The following KCNH7 variants were observed in gnomAD, a reference collection of about 807,000 sequenced individuals.
KCNH7 encodes the protein voltage-gated inwardly rectifying potassium channel KCNH7.
Under a neutral mutation model 120.8 loss-of-function variants are expected in KCNH7, and 49 were observed. The observed-to-expected ratio is 0.41, with a 90% CI of 0.32 to 0.51. The LOEUF is 0.51. Ranked by LOEUF, KCNH7 falls within the 20% of genes least tolerant of loss-of-function variation. The pLI, the probability that KCNH7 is intolerant of heterozygous loss-of-function variation, is 0.38. For synonymous variants in KCNH7, 547 were observed against 516.1 expected (o/e 1.06, Z -0.81); for missense variants, 1,097 against 1,446.6 (o/e 0.76, Z 3.92).
chr2:162,568,488 A>T (rs905096736), intron 2 of KCNH7, among the ~76,000 whole-genome samples: 1 of 152,048 alleles, frequency 6.6e-6, no homozygotes, highest in Non-Finnish European at 1.5e-5. Context: ...CTCATAATTA[A>T]GCAATGTGTG....
intron 2 of KCNH7, among the ~76,000 whole-genome samples, chr2:162,617,989 C>G (rs564419558): frequency 1.3e-5 from 2 of 151,566 alleles, no homozygotes; most frequent in East Asian, 3.9e-4. Context: ...ATTTAGGGAG[C>G]TTTTTAACAT....
chr2:162,388,484 T>G (rs951017985), intron 12 of KCNH7, among the ~76,000 whole-genome samples: 1 of 151,832 alleles, frequency 6.6e-6, no homozygotes, highest in Admixed American at 6.6e-5. Flanking sequence ...ACCATAAATA[T>G]GTACAACTTT....
intron 2 of KCNH7, among the ~76,000 whole-genome samples, chr2:162,638,726 A>C (rs534079411): frequency 2.0e-5 from 3 of 152,094 alleles, no homozygotes; most frequent in Non-Finnish European, 2.9e-5. Flanking sequence ...TGGTGACCCA[A>C]CTCAGATCAT....
chr2:162,802,252 C>T (rs1015099939), intron 2 of KCNH7, among the ~76,000 whole-genome samples: 1 of 151,704 alleles, frequency 6.6e-6, no homozygotes, highest in African/African-American at 2.4e-5. Flanking sequence ...CAAATATGAT[C>T]AAAGTTTCCA....
chr2:162,546,249 A>C (rs559133291), intron 2 of KCNH7, among the ~76,000 whole-genome samples: 43 of 152,308 alleles, frequency 2.8e-4, no homozygotes, highest in South Asian at 1.0e-3. Flanking sequence ...CTCAATCTCC[A>C]GGCAAACCAA....
chr2:162,657,965 A>T (rs1684827232), intron 2 of KCNH7, among the ~76,000 whole-genome samples: 1 of 151,940 alleles, frequency 6.6e-6, no homozygotes, highest in Non-Finnish European at 1.5e-5. Context: ...CATAACCCCC[A>T]ATGTTATGGC....
At chr2:162,511,825 G>A (rs547829989) in intron 5 of KCNH7, among the ~76,000 whole-genome samples, 9 of 151,688 alleles carry the variant, frequency 5.9e-5, no homozygotes, top group Non-Finnish European at 1.3e-4. Flanking sequence ...TGGTGGAGAC[G>A]TGTTCATGCA....
chr2:162,403,086 C>G (rs892201776), intron 9 of KCNH7, among the ~76,000 whole-genome samples: 1 of 151,854 alleles, frequency 6.6e-6, no homozygotes, highest in Non-Finnish European at 1.5e-5. Context: ...TAAGAATGTG[C>G]GTAAACCCTT....
intron 2 of KCNH7, among the ~76,000 whole-genome samples, chr2:162,639,124 T>C (rs1298796783): frequency 6.6e-6 from 1 of 152,140 alleles, no homozygotes; most frequent in Admixed American, 6.6e-5. Flanking sequence ...CCCTTGGTGT[T>C]GCAGAAAGAT....
At chr2:162,538,614 C>T (rs1192178769) in intron 2 of KCNH7, among the ~76,000 whole-genome samples, 1 of 152,000 alleles carries the variant, frequency 6.6e-6, no homozygotes, top group Non-Finnish European at 1.5e-5. Context: ...TATGTAAGCT[C>T]TAATAAAGTC....
intron 3 of KCNH7, among the ~76,000 whole-genome samples, chr2:162,531,760 C>T (rs946139647): frequency 1.7e-4 from 26 of 151,784 alleles, no homozygotes; most frequent in Non-Finnish European, 8.8e-5. Flanking sequence ...AATCATATTA[C>T]ATTAATGTAT....
intron 6 of KCNH7, among the ~76,000 whole-genome samples, chr2:162,491,819 C>T (rs370129940): frequency 6.6e-6 from 1 of 152,128 alleles, no homozygotes; most frequent in African/African-American, 2.4e-5. Context: ...AGATGGGTAG[C>T]CATTCATCTT....
intron 6 of KCNH7, among the ~76,000 whole-genome samples, chr2:162,472,913 C>T (rs1283827104): frequency 1.3e-5 from 2 of 152,062 alleles, no homozygotes; most frequent in African/African-American, 2.4e-5. Flanking sequence ...GATTTCATGT[C>T]CTTTGTAGGG....
chr2:162,559,234 TC>T (rs776343300), intron 2 of KCNH7, among the ~76,000 whole-genome samples: 35 of 152,064 alleles, frequency 2.3e-4, no homozygotes, highest in Non-Finnish European at 3.4e-4. Flanking sequence ...AGATGTAGAA[TC>T]TGAGGCCAGA....
chr2:162,656,400 C>T (rs1453804365), intron 2 of KCNH7, among the ~76,000 whole-genome samples: 1 of 152,178 alleles, frequency 6.6e-6, no homozygotes, highest in Non-Finnish European at 1.5e-5. Context: ...AGAAATGTGT[C>T]TCAAATTCAG....
At chr2:162,577,149 G>C (rs1198687916) in intron 2 of KCNH7, among the ~76,000 whole-genome samples, 1 of 151,682 alleles carries the variant, frequency 6.6e-6, no homozygotes, top group Non-Finnish European at 1.5e-5. Context: ...TGAACTTCTG[G>C]CCTCAAGTAA....
chr2:162,600,968 G>A (rs1694531730), intron 2 of KCNH7, among the ~76,000 whole-genome samples: 1 of 152,014 alleles, frequency 6.6e-6, no homozygotes, highest in South Asian at 2.1e-4. Flanking sequence ...AAAGAACAGG[G>A]TAAAATATGT....
At chr2:162,765,783 G>T (rs938442911) in intron 2 of KCNH7, among the ~76,000 whole-genome samples, 6 of 152,078 alleles carry the variant, frequency 3.9e-5, no homozygotes, top group Non-Finnish European at 7.4e-5. Flanking sequence ...TTGAAATAGG[G>T]TCTCACTCTT....
intron 2 of KCNH7, among the ~76,000 whole-genome samples, chr2:162,624,036 T>C (rs1683456845): frequency 6.6e-6 from 1 of 152,164 alleles, no homozygotes; most frequent in Non-Finnish European, 1.5e-5. Context: ...GCCCCAAATG[T>C]GAGTCATCCT....
Sources: allele counts gnomAD v4.1 joint callset (sites outside exome capture counted in the v4.1 genomes callset), GRCh38; gene constraint gnomAD v4.1.1; transcripts MANE v1.5; gene names NCBI Gene and HGNC (gene_info 2026-07-23, HGNC 2026-07-21).